Variants in THSD4 observed in about 807,000 individuals in gnomAD.
The protein encoded by THSD4 is thrombospondin type 1 domain containing 4, also known as thrombospondin type-1 domain-containing protein 4.
In THSD4, 69 loss-of-function variants were observed where a neutral mutation model predicts 119.0. The observed-to-expected ratio is 0.58, with a 90% confidence interval of 0.48 to 0.71. The LOEUF (loss-of-function observed/expected upper bound fraction) is 0.71, where lower values mean the gene tolerates loss of function less well. THSD4 is among the 30% of genes least tolerant of loss of function. The pLI is 0.00. For synonymous variants in THSD4, 524 were observed against 540.4 expected, an observed-to-expected ratio of 0.97 and a Z score of 0.42; for missense variants, 1,393 against 1,391.1, an observed-to-expected ratio of 1.00 and a Z score of -0.02.
At chr15:71,667,528 A>G (rs2051439820) in intron 8 of THSD4, among the ~76,000 whole-genome samples, 1 of 152,226 alleles carries the variant, frequency 6.6e-6, no homozygotes. Flanking sequence ...GTAAACTTTC[A>G]AAAATAAACT....
chr15:71,214,081 A>G lies in THSD4; in HGVS notation c.100-954A>G, dbSNP rs149273761. On this transcript the variant is annotated intron_variant, in intron 3 of 17. Transcript: ENST00000261862. ...TAGCTAAAGGATTGTAAATGCACCA[A>G]TCAGCACTCTGTAAAAACACACCAA... is the stretch of plus-strand genomic sequence containing the variant. Among the ~76,000 whole-genome samples, 259 of 144,870 alleles carry G rather than the reference A, an allele frequency of 1.8e-3. 6 individuals carry two copies. In the East Asian group the frequency reaches 0.044, roughly 25 times the overall value.
chr15:71,731,596 T>A (rs546471902), intron 10 of THSD4: 1 of 202,602 alleles, frequency 4.9e-6, no homozygotes, highest in African/African-American at 2.3e-5. Context: ...CTGTGCAACA[T>A]AATGAAACCC....
At chr15:71,600,307 CCTT>C (rs1237893002) in intron 7 of THSD4, among the ~76,000 whole-genome samples, 2 of 152,178 alleles carry the variant, frequency 1.3e-5, no homozygotes, top group African/African-American at 2.4e-5. Flanking sequence ...CTCCAGGAAA[CCTT>C]CTGTGATTTC....
intron 7 of THSD4, among the ~76,000 whole-genome samples, chr15:71,612,023 G>A (rs1318263102): frequency 6.6e-6 from 1 of 152,186 alleles, no homozygotes; most frequent in African/African-American, 2.4e-5. Flanking sequence ...TGAGTATTGT[G>A]TACCAGCTGC....
At chr15:71,515,750 G>A (rs1280483037) in intron 7 of THSD4, among the ~76,000 whole-genome samples, 1 of 152,214 alleles carries the variant, frequency 6.6e-6, no homozygotes, top group East Asian at 1.9e-4. Context: ...AATAAATTGT[G>A]TCTTGGCTCC....
chr15:71,269,342 C>A (rs1177111758), intron 6 of THSD4, among the ~76,000 whole-genome samples: 1 of 152,266 alleles, frequency 6.6e-6, no homozygotes, highest in African/African-American at 2.4e-5. Flanking sequence ...GAACCAATGA[C>A]AAAAACCACA....
intron 3 of THSD4, among the ~76,000 whole-genome samples, chr15:71,208,108 A>G (rs1453429666): frequency 6.6e-6 from 1 of 152,168 alleles, no homozygotes; most frequent in Non-Finnish European, 1.5e-5. Flanking sequence ...TGGAAATTCA[A>G]ATTCCAGGGA....
chr15:71,169,137 A>T (rs115327608), intron 3 of THSD4, among the ~76,000 whole-genome samples: 239 of 152,374 alleles, frequency 1.6e-3, no homozygotes, highest in African/African-American at 5.7e-3. Flanking sequence ...TAAATGGCTT[A>T]AACAGACAGT....
rs372595926 is a variant in THSD4, at chr15:71,748,517, C to G, written c.2338C>G (p.Leu780Val). The part of the protein sequence containing the change: ...VVDDEECNMK[L>V]RPNDIENCDM... ...TGACGATGAGGAATGCAACATGAAGCTCCGGCCGAATGACATTGAGAACTG... is the reference window on the plus strand; with the variant it reads ...TGACGATGAGGAATGCAACATGAAGGTCCGGCCGAATGACATTGAGAACTG... Residue 780 changes from leucine to valine, a missense_variant, in exon 14 of 18, where the codon CTC becomes GTC. Coordinates refer to ENST00000261862, the MANE Select transcript of THSD4 (RefSeq NM_024817.3). The G allele has an allele frequency of 6.2e-7, 1 of 1,614,174 alleles. No individual in the cohort carries two copies. Among genetic ancestry groups the G allele is most frequent in the Admixed American group, 1.7e-5 (1 of 60,020 alleles).
intron 6 of THSD4, among the ~76,000 whole-genome samples, chr15:71,394,950 C>T (rs1463825480): frequency 6.6e-6 from 1 of 152,168 alleles, no homozygotes; most frequent in Non-Finnish European, 1.5e-5. Context: ...AGTCGTAGGT[C>T]TGGAGCTCAA....
chr15:71,238,655 C>T (rs982333323), intron 4 of THSD4, among the ~76,000 whole-genome samples: 3 of 152,194 alleles, frequency 2.0e-5, no homozygotes, highest in African/African-American at 7.2e-5. Context: ...ATAATCCACT[C>T]TGTGGGTATA....
intron 6 of THSD4, among the ~76,000 whole-genome samples, chr15:71,302,374 T>G (rs1353403186): frequency 6.6e-6 from 1 of 152,124 alleles, no homozygotes; most frequent in Non-Finnish European, 1.5e-5. Context: ...ATGCAGGCAC[T>G]GAGCCAGAAC....
rs116107041 is a variant in THSD4 at position 71,292,298 on chromosome 15, A to G, written c.1015+35583A>G. 4.4e-3 allele frequency among the ~76,000 whole-genome samples: 671 copies of G among 152,140 alleles called. 4 individuals are homozygous for G. Among genetic ancestry groups the G allele is most frequent in the African/African-American group, 0.016 (644 of 41,516 alleles). ...GGTATCTCGGGGAGGGCCTTTGAAT[A>G]TCCATTGTCTCCTATGCATCCCTTT... On this transcript the variant is annotated intron_variant, in intron 6 of 17. Transcript: ENST00000261862.
intron 7 of THSD4, among the ~76,000 whole-genome samples, chr15:71,530,227 G>A (rs1225764923): frequency 6.6e-6 from 1 of 152,256 alleles, no homozygotes; most frequent in South Asian, 2.1e-4. Flanking sequence ...ACTACCAGCC[G>A]AATGGCAGTT....
rs558056632 is a variant in THSD4, at chr15:71,746,691, A to G, written c.2037-147A>G. 1.1e-5 allele frequency: 10 copies of G among 903,396 alleles called. No homozygotes were observed. The East Asian group carries it at 2.1e-4, about 19-fold the overall frequency. 56.0% of individuals were successfully genotyped at this position (903,396 alleles called of 1,614,324 possible). ...ATTACAGGCGTGCGCCACTGTGCCC[A>G]GCCTAGGCTGACTTTCAAGCAATGC... On this transcript the variant is annotated intron_variant, in intron 12 of 17. Transcript: ENST00000261862.
chr15:71,242,838 C>T lies in THSD4; in HGVS notation c.654C>T (p.Val218=). Residue 218 remains valine, a synonymous_variant, in exon 5 of 18, where the codon GTC becomes GTT. Coordinates refer to ENST00000261862, the MANE Select transcript of THSD4 (RefSeq NM_024817.3). ...GCTACAGTTCACCAGCCCACCAGGT[C>T]CCCCAACATGGGCCTTTGTACCAAA... ...RHGYSSPAHQ[V]PQHGPLYQSD... 1 of 1,614,212 alleles carries T rather than the reference C, an allele frequency of 6.2e-7. No individual in the cohort carries two copies. The highest frequency in any genetic ancestry group is 1.1e-5 in the South Asian group (1 of 91,082).
At chr15:71,097,002 T>C (rs1240219135) in exon 1 of THSD4, 1 of 152,224 alleles carries the variant, frequency 6.6e-6, no homozygotes, top group Admixed American at 6.5e-5. Flanking sequence ...GGAAACTGGA[T>C]TCAGGCAAGT....
chr15:71,502,837 C>G (rs1012543463), intron 7 of THSD4, among the ~76,000 whole-genome samples: 2 of 152,180 alleles, frequency 1.3e-5, no homozygotes, highest in African/African-American at 4.8e-5. Context: ...TGAGGTCTTT[C>G]TGACAAATGG....
chr15:71,462,007 C>G (rs2047435435), intron 7 of THSD4, among the ~76,000 whole-genome samples: 1 of 152,150 alleles, frequency 6.6e-6, no homozygotes, highest in African/African-American at 2.4e-5. Flanking sequence ...GTTGGAAGCT[C>G]CTTCAGAGCT....
Sources: gnomAD v4.1 joint callset for allele counts (sites outside exome capture counted in the v4.1 genomes callset) on GRCh38, gnomAD v4.1.1 for gene constraint, MANE v1.5 for transcripts, NCBI Gene and HGNC (gene_info 2026-07-23, HGNC 2026-07-21) for gene names.